PRR16: variants seen among roughly 807,000 people sequenced by gnomAD.
The protein encoded by PRR16 is proline rich 16.
PRR16 carries 6 observed loss-of-function variants against 18.2 expected under a neutral mutation model. That is an observed-to-expected ratio of 0.33 (90% CI 0.18 to 0.65). The LOEUF is 0.65. Among genes scored for constraint, PRR16 ranks in the 30% least tolerant of loss-of-function variants. The pLI, the probability that PRR16 is intolerant of heterozygous loss-of-function variation, is 0.74. For synonymous variants in PRR16, 151 were observed against 147.8 expected, an observed-to-expected ratio of 1.02 and a Z score of -0.16; for missense variants, 412 against 376.6, an observed-to-expected ratio of 1.09 and a Z score of -0.78.
intron 1 of PRR16, among the ~76,000 whole-genome samples, chr5:120,644,099 C>G (rs1755512536): frequency 6.6e-6 from 1 of 152,018 alleles, no homozygotes; most frequent in Non-Finnish European, 1.5e-5. Context: ...TAAAACTGTT[C>G]CTTCTCTTAC....
chr5:120,615,052 G>GAA (rs3047989), intron 1 of PRR16, among the ~76,000 whole-genome samples: 118,748 of 151,062 alleles, frequency 0.79, 48,371 homozygotes, highest in East Asian at 0.94. Context: ...CTGTATAACG[G>GAA]AAAAAAAAAT....
chr5:120,530,248 T>G (rs1352878661), intron 1 of PRR16, among the ~76,000 whole-genome samples: 3 of 97,126 alleles, frequency 3.1e-5, no homozygotes, highest in African/African-American at 1.1e-4. Flanking sequence ...ACCTGAAGTG[T>G]GTGTAAATAT....
chr5:120,652,510 T>C (rs189608077), intron 1 of PRR16, among the ~76,000 whole-genome samples: 1 of 151,548 alleles, frequency 6.6e-6, no homozygotes, highest in Non-Finnish European at 1.5e-5. Flanking sequence ...TTTTAGTAAG[T>C]ATTATTGATG....
the PRR16 span, among the ~76,000 whole-genome samples, chr5:120,787,012 ACAGAATAGAG>A: frequency 6.6e-6 from 1 of 152,256 alleles, no homozygotes; most frequent in South Asian, 2.1e-4. Flanking sequence ...GTCATTTCAA[ACAGAATAGAG>A]CAATTAACCC....
the PRR16 span, among the ~76,000 whole-genome samples, chr5:120,785,571 T>C: frequency 7.6e-6 from 1 of 132,176 alleles, no homozygotes; most frequent in Non-Finnish European, 1.6e-5. Flanking sequence ...GTTTTGTTGT[T>C]GTTGTTTTTT....
At chr5:120,664,096 C>T (rs150266661) in intron 1 of PRR16, among the ~76,000 whole-genome samples, 21 of 152,066 alleles carry the variant, frequency 1.4e-4, no homozygotes, top group African/African-American at 4.6e-4. Flanking sequence ...GTCATGAGTT[C>T]GAGACCAGCC....
At chr5:120,794,274 T>C in the PRR16 span, among the ~76,000 whole-genome samples, 1 of 152,152 alleles carries the variant, frequency 6.6e-6, no homozygotes. Flanking sequence ...ACTCATATTA[T>C]TGTGCTTTGC....
the PRR16 span, among the ~76,000 whole-genome samples, chr5:120,699,335 C>T: frequency 5.3e-5 from 8 of 152,012 alleles, no homozygotes; most frequent in South Asian, 2.1e-4. Context: ...GTGGAACCGC[C>T]GTCAATAAAT....
chr5:120,590,178 A>G (rs1753586174), intron 1 of PRR16, among the ~76,000 whole-genome samples: 1 of 152,100 alleles, frequency 6.6e-6, no homozygotes, highest in Admixed American at 6.6e-5. Flanking sequence ...TTACCTTAAC[A>G]AGTCCTGATC....
intron 1 of PRR16, among the ~76,000 whole-genome samples, chr5:120,642,563 T>C (rs2112859398): frequency 6.6e-6 from 1 of 152,258 alleles, no homozygotes; most frequent in East Asian, 1.9e-4. Context: ...CTCTTACTTA[T>C]TCACCTGTTC....
chr5:120,481,152 T>G, intron 1 of PRR16: 1 of 1,082,428 alleles, frequency 9.2e-7, no homozygotes, highest in Non-Finnish European at 1.2e-6. Context: ...ATATCTTATT[T>G]TATTTTTTTT....
chr5:120,611,609 G>A (rs958863902), intron 1 of PRR16, among the ~76,000 whole-genome samples: 11 of 152,212 alleles, frequency 7.2e-5, no homozygotes, highest in Admixed American at 6.5e-4. Context: ...CTTCCATGTG[G>A]TGTTGAGCCT....
the PRR16 span, among the ~76,000 whole-genome samples, chr5:120,774,614 T>G: frequency 6.6e-6 from 1 of 152,132 alleles, no homozygotes; most frequent in Non-Finnish European, 1.5e-5. Flanking sequence ...CCTGCTGAGT[T>G]GTAAAACCCT....
At chr5:120,513,687 A>T (rs556472765) in intron 1 of PRR16, among the ~76,000 whole-genome samples, 1 of 151,256 alleles carries the variant, frequency 6.6e-6, no homozygotes, top group Non-Finnish European at 1.5e-5. Flanking sequence ...ACTTACATAC[A>T]TTTATATATA....
At chr5:120,702,241 A>G in the PRR16 span, among the ~76,000 whole-genome samples, 1 of 71,166 alleles carries the variant, frequency 1.4e-5, no homozygotes, top group Non-Finnish European at 3.2e-5. Flanking sequence ...GGACACAGAA[A>G]TAAGGGGTCG....
intron 1 of PRR16, among the ~76,000 whole-genome samples, chr5:120,615,124 T>C (rs1403257419): frequency 6.6e-6 from 1 of 152,128 alleles, no homozygotes; most frequent in Non-Finnish European, 1.5e-5. Flanking sequence ...ATATATTAAC[T>C]TAGTTAACTC....
chr5:120,657,715 A>G (rs7736461), intron 1 of PRR16, among the ~76,000 whole-genome samples: 120,904 of 151,704 alleles, frequency 0.8, 48,817 homozygotes, highest in East Asian at 0.94. Flanking sequence ...GCTCTTTCCA[A>G]ACTCTCCTGT....
At chr5:120,710,491 T>A in the PRR16 span, among the ~76,000 whole-genome samples, 2 of 152,108 alleles carry the variant, frequency 1.3e-5, no homozygotes, top group Non-Finnish European at 2.9e-5. Context: ...GAAATATTTT[T>A]AAAAATTTTA....
intron 1 of PRR16, among the ~76,000 whole-genome samples, chr5:120,629,740 CTGTT>C (rs1177572693): frequency 2.3e-5 from 2 of 85,338 alleles, no homozygotes; most frequent in Non-Finnish European, 3.5e-5. Context: ...GTAGAAGACT[CTGTT>C]TGTTTTTTTG....
Sources: allele counts gnomAD v4.1 joint callset (sites outside exome capture counted in the v4.1 genomes callset), GRCh38; gene constraint gnomAD v4.1.1; transcripts MANE v1.5; gene names NCBI Gene and HGNC (gene_info 2026-07-23, HGNC 2026-07-21).